Variants in GRIP1 observed in about 807,000 individuals in gnomAD.
The protein encoded by GRIP1 is glutamate receptor-interacting protein 1.
A neutral mutation model predicts 129.9 loss-of-function variants in GRIP1; 45 were observed. The observed-to-expected ratio is 0.35, with a 90% CI of 0.27 to 0.44. The LOEUF (loss-of-function observed/expected upper bound fraction) is 0.44, where lower values mean the gene tolerates loss of function less well. Ranked by LOEUF, GRIP1 falls within the 20% of genes least tolerant of loss-of-function variation. The pLI, the probability that GRIP1 is intolerant of heterozygous loss-of-function variation, is 1.00. For synonymous variants in GRIP1, 530 were observed against 520.8 expected (o/e 1.02, Z -0.24); for missense variants, 1,196 against 1,396.8 (o/e 0.86, Z 2.29).
At chr12:66,903,350 G>C (rs533735304) in intron 1 of GRIP1, among the ~76,000 whole-genome samples, 4 of 150,306 alleles carry the variant, frequency 2.7e-5, no homozygotes, top group Non-Finnish European at 5.9e-5. Flanking sequence ...CTTCAAGAGC[G>C]CTTTTTTCCT....
intron 1 of GRIP1, among the ~76,000 whole-genome samples, chr12:67,024,918 A>G (rs1252564819): frequency 1.3e-5 from 2 of 152,220 alleles, no homozygotes; most frequent in Non-Finnish European, 2.9e-5. Flanking sequence ...GATTTTTCTC[A>G]CTGCCATTTG....
At chr12:66,570,878 A>C (rs956312744) in intron 2 of GRIP1, 13 of 152,216 alleles carry the variant, frequency 8.5e-5, no homozygotes, top group Admixed American at 7.2e-4. Flanking sequence ...AGTTGGCCAG[A>C]AGAGTCACAT....
intron 13 of GRIP1, among the ~76,000 whole-genome samples, chr12:66,437,867 C>T (rs1463042452): frequency 1.3e-5 from 2 of 152,210 alleles, no homozygotes; most frequent in Non-Finnish European, 2.9e-5. Flanking sequence ...GGTAACATCT[C>T]TTTGAAGAGT....
At chr12:66,848,703 C>T (rs1039907418) in intron 1 of GRIP1, among the ~76,000 whole-genome samples, 12 of 152,152 alleles carry the variant, frequency 7.9e-5, no homozygotes, top group African/African-American at 2.9e-4. Flanking sequence ...CCCTACTCAA[C>T]TTTTAAAATT....
intron 1 of GRIP1, among the ~76,000 whole-genome samples, chr12:66,606,932 C>T (rs546626474): frequency 2.0e-5 from 3 of 152,158 alleles, no homozygotes; most frequent in East Asian, 1.9e-4. Flanking sequence ...CTTTAACATA[C>T]GTATCTCTCT....
chr12:66,669,257 G>A (rs954388010), intron 1 of GRIP1, among the ~76,000 whole-genome samples: 2 of 152,040 alleles, frequency 1.3e-5, no homozygotes, highest in South Asian at 4.2e-4. Flanking sequence ...GTGTGGTGAT[G>A]GGTGCCTGTA....
chr12:67,032,000 C>T (rs2043029506), intron 1 of GRIP1, among the ~76,000 whole-genome samples: 1 of 152,174 alleles, frequency 6.6e-6, no homozygotes, highest in Admixed American at 6.5e-5. Flanking sequence ...GCCCTTCCAA[C>T]ATCTCCACGG....
chr12:66,383,310 A>ACAG (rs1213846996), intron 19 of GRIP1, among the ~76,000 whole-genome samples: 2 of 146,306 alleles, frequency 1.4e-5, no homozygotes, highest in African/African-American at 2.7e-5. Context: ...AACAACAACA[A>ACAG]CAACAACAAC....
chr12:66,964,195 T>G (rs1266214675), intron 1 of GRIP1, among the ~76,000 whole-genome samples: 1 of 152,148 alleles, frequency 6.6e-6, no homozygotes, highest in Admixed American at 6.6e-5. Flanking sequence ...GTTTACTCAT[T>G]TATTTATTCA....
At chr12:66,449,487 A>G (rs4913353) in intron 11 of GRIP1, among the ~76,000 whole-genome samples, 119,960 of 152,056 alleles carry the variant, frequency 0.79, 48,346 homozygotes, top group African/African-American at 0.95. Context: ...TTCTCATTCC[A>G]TCTCAGCTGG....
intron 1 of GRIP1, among the ~76,000 whole-genome samples, chr12:66,825,865 T>A (rs2039401599): frequency 6.6e-6 from 1 of 152,106 alleles, no homozygotes; most frequent in Non-Finnish European, 1.5e-5. Context: ...TTGTTGGGAG[T>A]TAAATTAGTT....
intron 4 of GRIP1, among the ~76,000 whole-genome samples, chr12:66,531,793 T>C (rs1394713245): frequency 6.6e-6 from 1 of 152,048 alleles, no homozygotes; most frequent in East Asian, 1.9e-4. Context: ...GTTAAGAAAA[T>C]GATTTTTTTT....
chr12:66,444,776 A>C, intron 12 of GRIP1, 47 bp from the exon 13 acceptor site: 1 of 1,601,278 alleles, frequency 6.2e-7, no homozygotes. Flanking sequence ...GTAAATAATT[A>C]CCAAGCTGAG....
At chr12:66,941,558 T>G (rs1476574179) in intron 1 of GRIP1, among the ~76,000 whole-genome samples, 1 of 152,162 alleles carries the variant, frequency 6.6e-6, no homozygotes, top group Admixed American at 6.5e-5. Flanking sequence ...CCCCTAAAGC[T>G]TTTTCTACTT....
rs139465939 is a variant in GRIP1, at chr12:66,638,749, C to G, written c.55+40101G>C. ...TGAGTGTTGGGATCTCATTCTCTCT[C>G]TCTCTCTTTTTTTTGTCTTGGTCTC... On this transcript the variant is annotated intron_variant, in intron 1 of 24. Coordinates refer to ENST00000359742, the MANE Select transcript of GRIP1 (RefSeq NM_001366722.1). 2.6e-3 allele frequency among the ~76,000 whole-genome samples: 391 copies of G among 152,280 alleles called. 3 individuals are homozygous for G. Among genetic ancestry groups the G allele is most frequent in the South Asian group, 8.5e-3 (41 of 4,820 alleles).
In GRIP1 at chr12:66,818,445, G is replaced by A. The variant is rs570988419; in HGVS notation, c.59-221518C>T. Among the ~76,000 whole-genome samples the A allele has an allele frequency of 6.6e-5, 10 of 152,264 alleles. No individual in the cohort carries two copies. In the East Asian group the frequency reaches 1.9e-3, roughly 29 times the overall value. ...ATGAATTCATCTTGTTCATTTTTGA[G>A]AAAATGTCTGCCAAATACCCAAGTC... On this transcript the variant is annotated intron_variant, in intron 1 of 1. Transcript: ENST00000643019.
At chr12:66,581,214 A>G (rs2063364379) in intron 2 of GRIP1, among the ~76,000 whole-genome samples, 1 of 152,174 alleles carries the variant, frequency 6.6e-6, no homozygotes, top group Non-Finnish European at 1.5e-5. Context: ...AAAGAGAACA[A>G]AGATACAACA....
chr12:66,747,772 T>C (rs2036995668), intron 1 of GRIP1, among the ~76,000 whole-genome samples: 1 of 152,182 alleles, frequency 6.6e-6, no homozygotes, highest in African/African-American at 2.4e-5. Flanking sequence ...TCTTGTGAAC[T>C]CTGTGAAATG....
In GRIP1 at chr12:66,965,598, A is replaced by T. The variant is rs866599895; in HGVS notation, c.58+103452T>A. Among the ~76,000 whole-genome samples the T allele has an allele frequency of 3.9e-3, 372 of 95,384 alleles. 3 individuals carry two copies. The highest frequency in any genetic ancestry group is 0.015 in the African/African-American group (334 of 21,760). 62.6% of individuals were successfully genotyped at this position (95,384 alleles called of 152,430 possible). On this transcript the variant is annotated intron_variant, in intron 1 of 1. Coordinates refer to the GRIP1 transcript ENST00000643019. ...GTGTGTGTGTGTGTGTGTGTGTGTG[A>T]GATATTATTACTAAAATGGGACTAA...
Sources: gnomAD v4.1 joint callset for allele counts (sites outside exome capture counted in the v4.1 genomes callset) on GRCh38, gnomAD v4.1.1 for gene constraint, MANE v1.5 for transcripts, NCBI Gene and HGNC (gene_info 2026-07-23, HGNC 2026-07-21) for gene names.